Variants in ZMAT4 observed in about 807,000 individuals in gnomAD.
ZMAT4 encodes the protein zinc finger matrin-type protein 4.
Under a neutral mutation model 28.7 loss-of-function variants are expected in ZMAT4, and 17 were observed. That is an observed-to-expected ratio of 0.59 (90% CI 0.41 to 0.89). The LOEUF is 0.89. ZMAT4 is among the 40% of genes least tolerant of loss of function. The probability of loss-of-function intolerance (pLI) is 0.00; values close to 1 mark genes in which losing one functional copy is unlikely to be tolerated. For missense variants in ZMAT4, 240 were observed against 283.8 expected, an observed-to-expected ratio of 0.85 and a Z score of 1.11; for synonymous variants, 117 against 109.2, an observed-to-expected ratio of 1.07 and a Z score of -0.44.
intron 4 of ZMAT4, among the ~76,000 whole-genome samples, chr8:40,676,468 A>T (rs924844478): frequency 2.6e-5 from 4 of 152,070 alleles, no homozygotes; most frequent in Non-Finnish European, 4.4e-5. Context: ...AGCTGGCAAA[A>T]CCACGAGCAT....
intron 3 of ZMAT4, among the ~76,000 whole-genome samples, chr8:40,746,544 A>G (rs1812244897): frequency 1.3e-5 from 2 of 151,792 alleles, no homozygotes; most frequent in South Asian, 4.2e-4. Context: ...TTGTATTTTT[A>G]GTAGAGACAG....
At chr8:40,756,624 A>AGTGTGTGT (rs58686349) in intron 3 of ZMAT4, among the ~76,000 whole-genome samples, 2 of 139,502 alleles carry the variant, frequency 1.4e-5, no homozygotes, top group African/African-American at 5.4e-5. Context: ...TATGTTTGTA[A>AGTGTGTGT]GTGTGTGTGT....
chr8:40,638,352 TTAAAGA>T (rs1332501840), intron 5 of ZMAT4, among the ~76,000 whole-genome samples: 3 of 152,224 alleles, frequency 2.0e-5, no homozygotes, highest in Non-Finnish European at 2.9e-5. Flanking sequence ...GATTTGTCAA[TTAAAGA>T]TAAAGTTAAA....
chr8:40,822,714 G>A (rs1003522781), intron 2 of ZMAT4, among the ~76,000 whole-genome samples: 2 of 152,126 alleles, frequency 1.3e-5, no homozygotes, highest in Non-Finnish European at 1.5e-5. Context: ...GCAGCTTTGC[G>A]GCAAGAATGC....
intron 5 of ZMAT4, among the ~76,000 whole-genome samples, chr8:40,648,313 A>C (rs1807449064): frequency 6.6e-6 from 1 of 151,450 alleles, no homozygotes; most frequent in Admixed American, 6.6e-5. Context: ...CAACTGGAAG[A>C]AAGGGTATCA....
intron 5 of ZMAT4, among the ~76,000 whole-genome samples, chr8:40,599,759 G>A (rs1404301131): frequency 4.6e-5 from 7 of 152,242 alleles, no homozygotes; most frequent in African/African-American, 1.4e-4. Context: ...GGAGACACAC[G>A]AGGGAGGGGT....
intron 5 of ZMAT4, among the ~76,000 whole-genome samples, chr8:40,647,637 A>G (rs1401528412): frequency 1.3e-5 from 2 of 152,198 alleles, no homozygotes; most frequent in Non-Finnish European, 2.9e-5. Context: ...ACAGACAAAC[A>G]AAAAGACAGC....
At chr8:40,820,511 T>C (rs1322338672) in intron 2 of ZMAT4, among the ~76,000 whole-genome samples, 1 of 150,606 alleles carries the variant, frequency 6.6e-6, no homozygotes, top group East Asian at 2.0e-4. Flanking sequence ...TATGTGTGTA[T>C]TGGTGTGTAT....
At chr8:40,747,827 A>G (rs111272978) in intron 3 of ZMAT4, among the ~76,000 whole-genome samples, 3,709 of 152,312 alleles carry the variant, frequency 0.024, 70 homozygotes, top group Middle Eastern at 0.071. Context: ...TGGGGTTGCT[A>G]ATGCCAACCA....
chr8:40,809,757 A>G (rs756690023), intron 2 of ZMAT4, among the ~76,000 whole-genome samples: 1 of 152,146 alleles, frequency 6.6e-6, no homozygotes, highest in Admixed American at 6.6e-5. Flanking sequence ...CTATAAAAAT[A>G]TTGTTGCTGG....
chr8:40,790,139 T>G (rs1296865138), intron 2 of ZMAT4, among the ~76,000 whole-genome samples: 1 of 152,222 alleles, frequency 6.6e-6, no homozygotes, highest in African/African-American at 2.4e-5. Context: ...TCTCTTGCTA[T>G]AGCAAGCTCT....
intron 1 of ZMAT4, among the ~76,000 whole-genome samples, chr8:40,860,178 T>C (rs1817440074): frequency 6.6e-6 from 1 of 152,172 alleles, no homozygotes; most frequent in South Asian, 2.1e-4. Flanking sequence ...CACAAAAGGC[T>C]GTTTTGTAGA....
chr8:40,771,585 A>T (rs1292635979), intron 2 of ZMAT4, among the ~76,000 whole-genome samples: 1 of 152,236 alleles, frequency 6.6e-6, no homozygotes, highest in Non-Finnish European at 1.5e-5. Flanking sequence ...ACCCTTGTTA[A>T]TGTCTTATTA....
intron 2 of ZMAT4, among the ~76,000 whole-genome samples, chr8:40,820,526 ATG>A (rs1815730666): frequency 8.9e-6 from 1 of 112,404 alleles, no homozygotes; most frequent in Non-Finnish European, 1.8e-5. Flanking sequence ...GTGTATATGC[ATG>A]TGTTTATGTG....
At chr8:40,875,118 C>T (rs1817994455) in intron 1 of ZMAT4, among the ~76,000 whole-genome samples, 1 of 152,228 alleles carries the variant, frequency 6.6e-6, no homozygotes, top group African/African-American at 2.4e-5. Context: ...AGGGACAAAG[C>T]TAGATGCTTG....
At chr8:40,636,076 A>T (rs1376604264) in intron 5 of ZMAT4, among the ~76,000 whole-genome samples, 1 of 152,232 alleles carries the variant, frequency 6.6e-6, no homozygotes, top group Non-Finnish European at 1.5e-5. Flanking sequence ...AAGTCTAGCA[A>T]TCAAAATTCA....
rs1586043664 is a variant in ZMAT4, at chr8:40,782,818, T to C, written c.103-15088A>G. Reference sequence around the variant, plus strand: ...AAAAGATACTCACCATCACTGGTCATTGGTAAAATATTCACCATCATTGGT... The same window carrying C: ...AAAAGATACTCACCATCACTGGTCACTGGTAAAATATTCACCATCATTGGT... On this transcript the variant is annotated intron_variant, in intron 2 of 6. Coordinates refer to ENST00000297737, the MANE Select transcript of ZMAT4 (RefSeq NM_024645.3). Among the ~76,000 whole-genome samples, 4 of 152,312 alleles carry C rather than the reference T, an allele frequency of 2.6e-5. No homozygotes were observed. In the South Asian group the frequency reaches 6.2e-4, roughly 24 times the overall value.
At chr8:40,566,590 C>A (rs1380240664) in intron 6 of ZMAT4, among the ~76,000 whole-genome samples, 2 of 152,060 alleles carry the variant, frequency 1.3e-5, no homozygotes, top group African/African-American at 4.8e-5. Context: ...ACATCTGGTT[C>A]CAAGACTAAG....
chr8:40,638,615 G>T (rs566688819), intron 5 of ZMAT4, among the ~76,000 whole-genome samples: 24 of 152,286 alleles, frequency 1.6e-4, no homozygotes, highest in Admixed American at 7.2e-4. Context: ...CTCTGAGGCT[G>T]GAAAAGGAAT....
Sources: allele counts gnomAD v4.1 joint callset (sites outside exome capture counted in the v4.1 genomes callset), GRCh38; gene constraint gnomAD v4.1.1; transcripts MANE v1.5; gene names NCBI Gene and HGNC (gene_info 2026-07-23, HGNC 2026-07-21).